Variants in VPS13A observed in about 807,000 individuals in gnomAD.
VPS13A encodes the protein vacuolar protein sorting 13 homolog A.
VPS13A carries 264 observed loss-of-function variants against 390.9 expected under a neutral mutation model. The observed-to-expected ratio is 0.68, with a 90% CI of 0.61 to 0.75. VPS13A has a LOEUF of 0.75. VPS13A is among the 30% of genes least tolerant of loss of function. The pLI, the probability that VPS13A is intolerant of heterozygous loss-of-function variation, is 0.00. For missense variants in VPS13A, 3,409 were observed against 3,733.9 expected, an observed-to-expected ratio of 0.91 and a Z score of 2.27; for synonymous variants, 1,231 against 1,227.1, an observed-to-expected ratio of 1.00 and a Z score of -0.07.
chr9:77,410,543 A>C (rs1447656721), intron 71 of VPS13A, among the ~76,000 whole-genome samples: 1 of 152,240 alleles, frequency 6.6e-6, no homozygotes. Context: ...TGTATTCAGG[A>C]AACCCACCTC....
chr9:77,395,297 C>T (rs1834077744), intron 68 of VPS13A, among the ~76,000 whole-genome samples: 1 of 151,968 alleles, frequency 6.6e-6, no homozygotes, highest in Non-Finnish European at 1.5e-5. Flanking sequence ...TAGGGAGGCT[C>T]AAGGAGAGGG....
chr9:77,406,619 G>A (rs1012325711), intron 70 of VPS13A, among the ~76,000 whole-genome samples: 4 of 151,852 alleles, frequency 2.6e-5, no homozygotes, highest in Non-Finnish European at 5.9e-5. Context: ...GTTTCACCAG[G>A]TTGGCCAGTC....
chr9:77,389,046 A>G (rs1251593310), intron 68 of VPS13A, among the ~76,000 whole-genome samples: 2 of 152,206 alleles, frequency 1.3e-5, no homozygotes, highest in Middle Eastern at 3.2e-3. Flanking sequence ...ACATTGAAGT[A>G]TGCTCATTAG....
In VPS13A at chr9:77,420,022, A is replaced by G. The variant is rs1469186193; in HGVS notation, c.*4016A>G. The G allele has an allele frequency of 1.3e-5, 2 of 152,258 alleles. No homozygotes were observed. Among genetic ancestry groups the G allele is most frequent in the East Asian group, 3.8e-4 (2 of 5,200 alleles). The allele number at this position is 152,258 out of a possible 1,614,324, so 9.4% of individuals were successfully genotyped here. On this transcript the variant is annotated 3_prime_UTR_variant, in exon 72 of 72. Transcript: ENST00000360280. ...ACTTACATTCTGTATGCAGGACTCA[A>G]TACAGACTTAGTCAATCTGATTTTT... is the stretch of plus-strand genomic sequence containing the variant.
Position 77,206,702 on chromosome 9 carries a change from T to C in VPS13A, c.385+623T>C, listed in dbSNP as rs146967694. ...ACCTAGTGGGTTTTTTGCCTTGGCA[T>C]GTAAATACGCTGTTCTTTATCTTGA... On this transcript the variant is annotated intron_variant, in intron 5 of 71. Coordinates refer to ENST00000360280, the MANE Select transcript of VPS13A (RefSeq NM_033305.3). Among the ~76,000 whole-genome samples the C allele has an allele frequency of 5.5e-3, 842 of 152,328 alleles. 8 individuals carry two copies. Among genetic ancestry groups the C allele is most frequent in the African/African-American group, 0.02 (814 of 41,576 alleles).
At chr9:77,207,792 C>G (rs1422249958) in intron 5 of VPS13A, among the ~76,000 whole-genome samples, 1 of 152,050 alleles carries the variant, frequency 6.6e-6, no homozygotes, top group African/African-American at 2.4e-5. Context: ...CCACTGTGTT[C>G]CATGTTTGCT....
intron 68 of VPS13A, among the ~76,000 whole-genome samples, chr9:77,392,446 A>AT (rs1286256271): frequency 6.6e-5 from 10 of 152,078 alleles, no homozygotes; most frequent in Non-Finnish European, 1.2e-4. Context: ...TAGAGTTATT[A>AT]TTTTTTATTA....
intron 25 of VPS13A, among the ~76,000 whole-genome samples, 157 bp downstream of exon 25, chr9:77,275,809 C>A (rs1220496917): frequency 6.7e-6 from 1 of 149,482 alleles, no homozygotes; most frequent in Non-Finnish European, 1.5e-5. Context: ...CCCCGCCCCC[C>A]CCTTTTTTTT....
intron 71 of VPS13A, among the ~76,000 whole-genome samples, chr9:77,410,524 T>C (rs1253913658): frequency 6.6e-6 from 1 of 152,158 alleles, no homozygotes. Context: ...TCAAGACCCA[T>C]CAGTGTGCTG....
At chr9:77,319,752 G>T in intron 42 of VPS13A, 79 bp downstream of exon 42, 2 of 783,694 alleles carry the variant, frequency 2.6e-6, no homozygotes, top group Non-Finnish European at 2.0e-6. Flanking sequence ...AACAGATTTA[G>T]GTTCACAGCA....
chr9:77,370,849 TA>T, intron 65 of VPS13A, 40 bp from the exon 66 acceptor site: 1 of 1,611,680 alleles, frequency 6.2e-7, no homozygotes, highest in Non-Finnish European at 8.5e-7. Context: ...CTAGGCATCA[TA>T]AAAAAGTATT....
At chr9:77,409,110 C>T (rs916942718) in intron 71 of VPS13A, among the ~76,000 whole-genome samples, 6 of 152,216 alleles carry the variant, frequency 3.9e-5, no homozygotes, top group Non-Finnish European at 7.3e-5. Context: ...TCCAGAGGAA[C>T]AATCAGGCAG....
At chr9:77,220,423 A>G in intron 12 of VPS13A, 40 bp downstream of exon 12, 1 of 1,317,244 alleles carries the variant, frequency 7.6e-7, no homozygotes. Flanking sequence ...GATTTTAAAA[A>G]TACAACATAA....
At chr9:77,203,995 G>T (rs1042193298) in intron 3 of VPS13A, among the ~76,000 whole-genome samples, 2 of 152,112 alleles carry the variant, frequency 1.3e-5, no homozygotes, top group South Asian at 4.1e-4. Context: ...TTTGAGACCA[G>T]CCTGGGCAAA....
chr9:77,238,818 G>A (rs1432143699), intron 19 of VPS13A, among the ~76,000 whole-genome samples: 1 of 152,024 alleles, frequency 6.6e-6, no homozygotes, highest in Admixed American at 6.6e-5. Flanking sequence ...AAAACCACTT[G>A]GTTTTGGAGA....
rs563278919 is a variant in VPS13A, at chr9:77,384,762, C to T, written c.9189+2675C>T. On this transcript the variant is annotated intron_variant, in intron 68 of 71. Transcript: ENST00000360280. ...ACTTATACCATAATGCCCATATGTCCATTTATAGGGAGGTAAAACACATTT... is the reference window on the plus strand; with the variant it reads ...ACTTATACCATAATGCCCATATGTCTATTTATAGGGAGGTAAAACACATTT... 1.4e-5 allele frequency: 22 copies of T among 1,534,650 alleles called. No homozygotes were observed. In the African/African-American group the frequency reaches 2.7e-4, roughly 19 times the overall value.
intron 1 of VPS13A, among the ~76,000 whole-genome samples, chr9:77,190,220 A>C (rs1824592588): frequency 1.3e-5 from 2 of 152,054 alleles, no homozygotes; most frequent in African/African-American, 4.8e-5. Flanking sequence ...GTGTGATGTT[A>C]GCTGTGGGTT....
intron 71 of VPS13A, among the ~76,000 whole-genome samples, chr9:77,414,418 A>G (rs973001314): frequency 6.6e-6 from 1 of 152,122 alleles, no homozygotes; most frequent in African/African-American, 2.4e-5. Context: ...CATAAAAAAT[A>G]ATGAGTTCAT....
chr9:77,366,991 T>G (rs921043166), intron 61 of VPS13A, 119 bp downstream of exon 61: 1 of 1,023,564 alleles, frequency 9.8e-7, no homozygotes, highest in Non-Finnish European at 1.4e-6. Flanking sequence ...AAAATGAGGT[T>G]TTTGCATTCA....
Sources: allele counts gnomAD v4.1 joint callset (sites outside exome capture counted in the v4.1 genomes callset), GRCh38; gene constraint gnomAD v4.1.1; transcripts MANE v1.5; gene names NCBI Gene and HGNC (gene_info 2026-07-23, HGNC 2026-07-21).